ZNF335: variants seen among roughly 807,000 people sequenced by gnomAD.
The protein encoded by ZNF335 is NRC-interacting factor 1.
ZNF335 carries 84 observed loss-of-function variants against 145.6 expected under a neutral mutation model. The ratio of observed to expected loss-of-function variants is 0.58; its 90% CI spans 0.48 to 0.69. ZNF335 has a LOEUF of 0.69. ZNF335 is among the 30% of genes least tolerant of loss of function. The pLI, the probability that ZNF335 is intolerant of heterozygous loss-of-function variation, is 0.00. For missense variants in ZNF335, 1,865 were observed against 1,809.7 expected (o/e 1.03, Z -0.55); for synonymous variants, 761 against 717.0 (o/e 1.06, Z -0.98).
At chr20:45,968,206 G>A (rs1304892490) in intron 4 of ZNF335, 79 bp downstream of exon 4, 44 of 1,534,788 alleles carry the variant, frequency 2.9e-5, no homozygotes, top group East Asian at 2.7e-4. Context: ...GGCCACAGAC[G>A]GAATCCGCGG....
intron 27 of ZNF335, 39 bp from the exon 28 acceptor site, chr20:45,949,119 A>C (rs2083578429): frequency 1.2e-6 from 2 of 1,613,476 alleles, no homozygotes; most frequent in Non-Finnish European, 1.7e-6. Flanking sequence ...CTGGAGGCTC[A>C]AGAGCTGGGT....
chr20:45,957,144 G>C (rs1300695140), intron 17 of ZNF335, among the ~76,000 whole-genome samples: 5 of 152,148 alleles, frequency 3.3e-5, no homozygotes, highest in Non-Finnish European at 7.3e-5. Context: ...CAAGACCCCT[G>C]GAACGCGAGA....
intron 16 of ZNF335, 53 bp from the exon 17 acceptor site, chr20:45,957,733 T>C: frequency 6.2e-7 from 1 of 1,607,152 alleles, no homozygotes; most frequent in South Asian, 1.1e-5. Flanking sequence ...TGGCACCCAA[T>C]ACCACCCCCT....
chr20:45,953,303 G>C lies in ZNF335; in HGVS notation c.2702+386C>G, dbSNP rs149686133. On this transcript the variant is annotated intron_variant, in intron 18 of 27. Transcript: ENST00000322927. ...AGGCCTGAGCTTGCTCGGAGTGTCA[G>C]AACTGAAGAACACCTGGGATCACCC... 6.6e-5 allele frequency among the ~76,000 whole-genome samples: 10 copies of C among 152,332 alleles called. No homozygotes were observed. The East Asian group carries it at 1.9e-3, about 29-fold the overall frequency.
In ZNF335 at chr20:45,960,825, C is replaced by G. The variant is rs753261423; in HGVS notation, c.1665+39G>C. On this transcript the variant is annotated intron_variant, in intron 11 of 27. Transcript: ENST00000322927. The stretch of plus-strand genomic sequence containing the variant: ...TGTCCTCACCCCCATAAACAACCCC[C>G]GGGCAGGTTCCCTTCCCAGGCCAGC... The G allele has an allele frequency of 5.0e-6, 8 of 1,613,870 alleles. No individual in the cohort carries two copies. The Admixed American group carries it at 5.0e-5, about 10-fold the overall frequency.
intron 22 of ZNF335, 25 bp from the exon 23 acceptor site, chr20:45,950,094 AC>A (rs749996684): frequency 1.2e-6 from 2 of 1,611,828 alleles, no homozygotes; most frequent in Non-Finnish European, 1.7e-6. Flanking sequence ...GAGGATGCTC[AC>A]CTGGGGTCCA....
In ZNF335 at chr20:45,968,522, T is replaced by C. The variant is rs548657198; in HGVS notation, c.443-160A>G. ...CAGCTGTGTCACCCCTGAGCCTCAG[T>C]TGACTCCCCTGGCAGGGCTGTCTGG... On this transcript the variant is annotated intron_variant, in intron 3 of 27. Transcript: ENST00000322927. The C allele has an allele frequency of 3.5e-4, 218 of 614,858 alleles. 1 individual carries two copies. The highest frequency in any genetic ancestry group is 4.4e-4 in the Middle Eastern group (1 of 2,254). 38.1% of individuals were successfully genotyped at this position (614,858 alleles called of 1,614,324 possible). A position where few individuals can be genotyped will look rare whatever the true frequency, so the allele number is the denominator to read the frequency against.
rs2083577154 is a variant in ZNF335, at chr20:45,949,072, C to G, written c.3910G>C (p.Asp1304His). Residue 1304 changes from aspartate to histidine, a missense_variant, in exon 28 of 28, where the codon GAT becomes CAT. Transcript: ENST00000322927. ...AAHSAVTAVA[D>H]AAMAQAQGLF... ...CCCTGGGCTTGGGCCATGGCAGCAT[C>G]AGCCACTGCTGCCAGGGGAGGGGAA... The G allele has an allele frequency of 3.7e-6, 6 of 1,613,790 alleles. No homozygotes were observed. Among genetic ancestry groups the G allele is most frequent in the Non-Finnish European group, 5.1e-6 (6 of 1,180,024 alleles).
At chr20:45,961,000 C>A in intron 10 of ZNF335, 118 bp from the exon 11 acceptor site, 1 of 1,373,962 alleles carries the variant, frequency 7.3e-7, no homozygotes, top group Non-Finnish European at 1.0e-6. Flanking sequence ...GCCCCTTTCT[C>A]TTAGAATAGT....
intron 2 of ZNF335, among the ~76,000 whole-genome samples, chr20:45,970,628 G>A (rs1301230502): frequency 3.3e-5 from 5 of 152,162 alleles, no homozygotes; most frequent in Admixed American, 2.0e-4. Context: ...AGGATGTCTG[G>A]TGGGAGCTCA....
intron 25 of ZNF335, 29 bp from the exon 26 acceptor site, chr20:45,949,427 T>C (rs890193215): frequency 6.2e-7 from 1 of 1,613,968 alleles, no homozygotes; most frequent in South Asian, 1.1e-5. Flanking sequence ...GCTGTGATCC[T>C]AGGGAGAGGT....
Position 45,957,661 on chromosome 20 carries a change from C to T in ZNF335, c.2367G>A (p.Ala789=), listed in dbSNP as rs2083753764. The change falls in exon 17 of 28, where the codon GCG becomes GCA. Residue 789 remains alanine, a synonymous_variant. Transcript: ENST00000322927. ...GATCCAAGGCTGTCTGCGTGGCCAT[C>T]GCTGTCGACTCCTCAGCTCCTGGGT... ...IYQQGAEEST[A]MATQTALDLL... The T allele has an allele frequency of 6.2e-6, 10 of 1,614,158 alleles. No individual in the cohort carries two copies. The highest frequency in any genetic ancestry group is 2.2e-5 in the East Asian group (1 of 44,884).
At position 45,957,596 on chromosome 20, in the gene ZNF335, G is replaced by A. The variant is rs753572196; in HGVS notation, c.2432C>T (p.Thr811Ile). ...NMSAQRELGG[T>I]ALQVAVVKSE... ...TCCCAGGCAGCTCACCTGCAGGGCT[G>A]TGCCCCCCAGTTCCCGCTGAGCACT... The change falls in exon 17 of 28, where the codon ACA (threonine) becomes ATA (isoleucine). Residue 811 changes from threonine to isoleucine, a missense_variant. Physicochemically the swap from Thr to Ile is moderately conservative, Grantham distance 89. Coordinates refer to ENST00000322927, the MANE Select transcript of ZNF335 (RefSeq NM_022095.4). The A allele has an allele frequency of 6.2e-7, 1 of 1,613,992 alleles. No individual in the cohort carries two copies. The highest frequency in any genetic ancestry group is 1.3e-5 in the African/African-American group (1 of 74,932).
chr20:45,958,052 TTTC>T (rs961250590), intron 15 of ZNF335, 124 bp from the exon 16 acceptor site: 11 of 727,428 alleles, frequency 1.5e-5, no homozygotes, highest in Non-Finnish European at 2.1e-5. Context: ...CATAACCACT[TTTC>T]TTTTTTTTTT....
rs2083674980 is a variant in ZNF335 at position 45,953,727 on chromosome 20, AG to A, written c.2663del (p.Pro888LeufsTer27). The A allele has an allele frequency of 5.0e-6, 8 of 1,613,918 alleles. No homozygotes were observed. The Admixed American group carries it at 8.3e-5, about 17-fold the overall frequency. ...CAGGAGCTGATGTTCCCTCCTCCAT[AG>A]GGGGTGCTGTGATGACACTGTAGCC... ...GTGYSVITAP[P>X]MEEGTSAPGT... On this transcript the variant is annotated frameshift_variant, in exon 18 of 28. Coordinates refer to ENST00000322927, the MANE Select transcript of ZNF335 (RefSeq NM_022095.4). LOFTEE classifies it high-confidence loss of function.
intron 1 of ZNF335, chr20:45,971,789 G>A (rs1355469601): frequency 1.0e-6 from 1 of 985,230 alleles, no homozygotes; most frequent in Non-Finnish European, 1.2e-6. Flanking sequence ...GCGTCCCCCC[G>A]GGTTGCAGGG....
chr20:45,964,654 C>G (rs956793983), intron 7 of ZNF335: 2 of 152,156 alleles, frequency 1.3e-5, no homozygotes, highest in African/African-American at 4.8e-5. Context: ...GTGTGTGCAC[C>G]TTGTGAAAAC....
chr20:45,963,944 A>AGGGCTCTGTC lies in ZNF335; in HGVS notation c.1139_1148dup (p.Pro384ThrfsTer50). The AGGGCTCTGTC allele has an allele frequency of 6.4e-7, 1 of 1,554,028 alleles. No homozygotes were observed. The highest frequency in any genetic ancestry group is 8.7e-7 in the Non-Finnish European group (1 of 1,150,768). Reference sequence around the variant, plus strand: ...GAGCCTCGGGATCCTGTGGCTCTGGAGGGCTCTGTCCACTCTGGGAACTCA... The same window carrying AGGGCTCTGTC: ...GAGCCTCGGGATCCTGTGGCTCTGGAGGGCTCTGTCGGGCTCTGTCCACTCTGGGAACTCA... On this transcript the variant is annotated frameshift_variant, in exon 8 of 28. Coordinates refer to ENST00000322927, the MANE Select transcript of ZNF335 (RefSeq NM_022095.4). LOFTEE classifies it high-confidence loss of function.
Position 45,965,764 on chromosome 20 carries a change from G to A in ZNF335, c.966C>T (p.Asp322=). ...GAIDDLEEDS[D]YNPAEDEPRG... ...GGGGCTCATCCTCAGCTGGATTATA[G>A]TCGCTATCCTCTGTGGGGGACAGTA... The change falls in exon 7 of 28, where the codon GAC becomes GAT. Residue 322 remains aspartate (D), a synonymous_variant. Transcript: ENST00000322927. The A allele has an allele frequency of 6.2e-7, 1 of 1,604,102 alleles. No homozygotes were observed. Among genetic ancestry groups the A allele is most frequent in the Non-Finnish European group, 8.5e-7 (1 of 1,175,440 alleles).
Sources: gnomAD v4.1 joint callset for allele counts (sites outside exome capture counted in the v4.1 genomes callset) on GRCh38, gnomAD v4.1.1 for gene constraint, MANE v1.5 for transcripts, NCBI Gene and HGNC (gene_info 2026-07-23, HGNC 2026-07-21) for gene names.